Variants in SLC5A3 observed in about 807,000 individuals in gnomAD.
The protein encoded by SLC5A3 is solute carrier family 5 member 3.
Under a neutral mutation model 43.2 loss-of-function variants are expected in SLC5A3, and 10 were observed. That is an observed-to-expected ratio of 0.23 (90% CI 0.14 to 0.39). SLC5A3 has a LOEUF of 0.39. SLC5A3 is among the 10% of genes least tolerant of loss of function. The pLI, the probability that SLC5A3 is intolerant of heterozygous loss-of-function variation, is 1.00. For missense variants in SLC5A3, 608 were observed against 893.4 expected (o/e 0.68, Z 4.07); for synonymous variants, 349 against 322.0 (o/e 1.08, Z -0.90).
At position 34,103,601 on chromosome 21, in the gene SLC5A3, C is replaced by A. The variant is rs1979346231; in HGVS notation, c.*6246C>A. The A allele has an allele frequency of 1.0e-6, 1 of 999,840 alleles. No homozygotes were observed. Among genetic ancestry groups the A allele is most frequent in the Admixed American group, 6.2e-5 (1 of 16,216 alleles). The allele number at this position is 999,840 out of a possible 1,614,324, so 61.9% of individuals were successfully genotyped here. On this transcript the variant is annotated 3_prime_UTR_variant, in exon 2 of 2. Transcript: ENST00000381151. Reference sequence around the variant, plus strand: ...AAATCGTGTTCACACATTAGTGTACCCACACATAGAAAGCACAAGACTAAT... The same window carrying A: ...AAATCGTGTTCACACATTAGTGTACACACACATAGAAAGCACAAGACTAAT...
Position 34,104,438 on chromosome 21 carries a change from G to C in SLC5A3, c.*7083G>C, listed in dbSNP as rs1398399925. 2 of 999,900 alleles carry C rather than the reference G, an allele frequency of 2.0e-6. No homozygotes were observed. The highest frequency in any genetic ancestry group is 2.4e-6 in the Non-Finnish European group (2 of 829,906). The allele number at this position is 999,900 out of a possible 1,614,324, so 61.9% of individuals were successfully genotyped here. A position where few individuals can be genotyped will look rare whatever the true frequency, so the allele number is the denominator to read the frequency against. On this transcript the variant is annotated 3_prime_UTR_variant, in exon 2 of 2. Transcript: ENST00000381151. ...TGTCTTTGTCTTAAATTTTGCCCAT[G>C]TGTTAAAAGATGTAATTCTCAGAAT...
At chr21:34,090,321 A>G (rs1484409690) in intron 1 of SLC5A3, among the ~76,000 whole-genome samples, 1 of 152,228 alleles carries the variant, frequency 6.6e-6, no homozygotes, top group Non-Finnish European at 1.5e-5. Context: ...CTCTGCATCA[A>G]GCGTTAGTAG....
intron 1 of SLC5A3, among the ~76,000 whole-genome samples, chr21:34,085,377 T>A (rs1285903105): frequency 6.6e-6 from 1 of 152,202 alleles, no homozygotes; most frequent in Non-Finnish European, 1.5e-5. Flanking sequence ...GTCATTTGGT[T>A]AGGTGGCATT....
intron 1 of SLC5A3, among the ~76,000 whole-genome samples, chr21:34,074,046 G>C (rs1374828378): frequency 1.4e-5 from 2 of 145,442 alleles, no homozygotes; most frequent in African/African-American, 2.5e-5. Context: ...CCCCGACCCC[G>C]ATCCCGGCGC....
Position 34,101,548 on chromosome 21 carries a change from G to C in SLC5A3, c.*4193G>C. On this transcript the variant is annotated 3_prime_UTR_variant, in exon 2 of 2. Coordinates refer to ENST00000381151, the MANE Select transcript of SLC5A3 (RefSeq NM_006933.7). Reference sequence around the variant, plus strand: ...TGTATATGCCCACTTACCATTCAGAGAGACTGGTCTTTCTCTTTGTCTTCC... The same window carrying C: ...TGTATATGCCCACTTACCATTCAGACAGACTGGTCTTTCTCTTTGTCTTCC... 1 of 999,854 alleles carries C rather than the reference G, an allele frequency of 1.0e-6. No individual in the cohort carries two copies. Among genetic ancestry groups the C allele is most frequent in the South Asian group, 4.7e-5 (1 of 21,282 alleles). 61.9% of individuals were successfully genotyped at this position (999,854 alleles called of 1,614,324 possible).
Position 34,074,673 on chromosome 21 carries a change from G to GT in SLC5A3, c.-337+937dup, listed in dbSNP as rs201796395. Among the ~76,000 whole-genome samples, 1,036 of 151,704 alleles carry GT rather than the reference G, an allele frequency of 6.8e-3. 12 individuals carry two copies. Among genetic ancestry groups the GT allele is most frequent in the Middle Eastern group, 0.027 (8 of 292 alleles). The stretch of plus-strand genomic sequence containing the variant: ...ATTCGGTAACGTAGTTTGGTGTTAT[G>GT]TTTTTTTTTCTCCACCAGGTGTAAT... On this transcript the variant is annotated intron_variant, in intron 1 of 1. Coordinates refer to ENST00000381151, the MANE Select transcript of SLC5A3 (RefSeq NM_006933.7).
chr21:34,095,143 A>G lies in SLC5A3; in HGVS notation c.-56A>G, dbSNP rs1298842766. ...AGACTTGGCTGGGGTTACTAAAAATAAATAAAAAGTTGGACACTTCTGTCA... is the reference window on the plus strand; with the variant it reads ...AGACTTGGCTGGGGTTACTAAAAATGAATAAAAAGTTGGACACTTCTGTCA... On this transcript the variant is annotated 5_prime_UTR_variant, in exon 2 of 2. In the 5' UTR this introduces an upstream ATG that the reference lacks. Coordinates refer to ENST00000381151, the MANE Select transcript of SLC5A3 (RefSeq NM_006933.7). 1.3e-5 allele frequency: 20 copies of G among 1,527,828 alleles called. No homozygotes were observed. Among genetic ancestry groups the G allele is most frequent in the Non-Finnish European group, 1.7e-5 (19 of 1,143,078 alleles). 94.6% of individuals were successfully genotyped at this position (1,527,828 alleles called of 1,614,324 possible).
At chr21:34,076,889 C>G (rs181940339) in intron 1 of SLC5A3, among the ~76,000 whole-genome samples, 3 of 152,200 alleles carry the variant, frequency 2.0e-5, no homozygotes, top group Non-Finnish European at 2.9e-5. Context: ...TTATTCACTT[C>G]TGGAAAACAC....
chr21:34,101,875 G>T lies in SLC5A3; in HGVS notation c.*4520G>T. The T allele has an allele frequency of 1.0e-6, 1 of 1,000,108 alleles. No homozygotes were observed. Among genetic ancestry groups the T allele is most frequent in the Non-Finnish European group, 1.2e-6 (1 of 829,924 alleles). 62.0% of individuals were successfully genotyped at this position (1,000,108 alleles called of 1,614,324 possible). ...CTCAAAACTCCTTTTTCAAAAATTA[G>T]GGAGAGAGCAGTAGTGATCATTTAT... On this transcript the variant is annotated 3_prime_UTR_variant, in exon 2 of 2. Transcript: ENST00000381151.
chr21:34,073,734 G>C lies in SLC5A3; in HGVS notation c.-348G>C. 6.5e-7 allele frequency: 1 copy of C among 1,528,186 alleles called. No individual in the cohort carries two copies. The highest frequency in any genetic ancestry group is 8.8e-7 in the Non-Finnish European group (1 of 1,132,726). 94.7% of individuals were successfully genotyped at this position (1,528,186 alleles called of 1,614,324 possible). On this transcript the variant is annotated 5_prime_UTR_variant, in exon 1 of 2. Coordinates refer to ENST00000381151, the MANE Select transcript of SLC5A3 (RefSeq NM_006933.7). ...CTACGAGCTGGCTTTAATCCTGAAA[G>C]CCATGCAGCGGGTAAGTGACCTTCC... is the stretch of plus-strand genomic sequence containing the variant.
At position 34,102,216 on chromosome 21, in the gene SLC5A3, A is replaced by G. The variant is rs1979270645; in HGVS notation, c.*4861A>G. ...TAGGAGAGAATTTAGTTAAGGTTCA[A>G]AGTAATTAACTGGCTTTGCCAGTGG... On this transcript the variant is annotated 3_prime_UTR_variant, in exon 2 of 2. Transcript: ENST00000381151. 5.0e-6 allele frequency: 5 copies of G among 999,796 alleles called. No homozygotes were observed. The African/African-American group carries it at 8.7e-5, about 17-fold the overall frequency. 61.9% of individuals were successfully genotyped at this position (999,796 alleles called of 1,614,324 possible). A position where few individuals can be genotyped will look rare whatever the true frequency, so the allele number is the denominator to read the frequency against.
intron 1 of SLC5A3, among the ~76,000 whole-genome samples, chr21:34,073,963 C>T (rs1330009965): frequency 6.9e-6 from 1 of 145,756 alleles, no homozygotes; most frequent in Non-Finnish European, 1.5e-5. Flanking sequence ...GGTGTGCCTG[C>T]GCGTGTGCGC....
Position 34,079,337 on chromosome 21 carries a change from C to T in SLC5A3, c.-337+5592C>T, listed in dbSNP as rs563050633. On this transcript the variant is annotated intron_variant, in intron 1 of 1. Coordinates refer to ENST00000381151, the MANE Select transcript of SLC5A3 (RefSeq NM_006933.7). ...CTTTACAGAAGAAATGTGCCAGCCC[C>T]TGATTTAGAGTATATAGACACAATT... Among the ~76,000 whole-genome samples, 3 of 152,268 alleles carry T rather than the reference C, an allele frequency of 2.0e-5. No individual in the cohort carries two copies. In the South Asian group the frequency reaches 6.2e-4, roughly 32 times the overall value.
In SLC5A3 at chr21:34,102,230, C is replaced by G. The variant is rs1428393138; in HGVS notation, c.*4875C>G. On this transcript the variant is annotated 3_prime_UTR_variant, in exon 2 of 2. Coordinates refer to ENST00000381151, the MANE Select transcript of SLC5A3 (RefSeq NM_006933.7). ...GTTAAGGTTCAAAGTAATTAACTGGCTTTGCCAGTGGTGAGTCCCACACCA... is the reference window on the plus strand; with the variant it reads ...GTTAAGGTTCAAAGTAATTAACTGGGTTTGCCAGTGGTGAGTCCCACACCA... The G allele has an allele frequency of 1.0e-6, 1 of 999,770 alleles. No individual in the cohort carries two copies. The highest frequency in any genetic ancestry group is 1.7e-5 in the African/African-American group (1 of 57,212). 61.9% of individuals were successfully genotyped at this position (999,770 alleles called of 1,614,324 possible).
rs1340051923 is a variant in SLC5A3 at position 34,097,384 on chromosome 21, A to C, written c.*29A>C. On this transcript the variant is annotated 3_prime_UTR_variant, in exon 2 of 2. Coordinates refer to ENST00000381151, the MANE Select transcript of SLC5A3 (RefSeq NM_006933.7). ...TAAGGATATGGTGAGACACTAACTT[A>C]AGACAATACTGACTGGTCTTTGGGG... The C allele has an allele frequency of 6.5e-7, 1 of 1,545,340 alleles. No homozygotes were observed. Among genetic ancestry groups the C allele is most frequent in the South Asian group, 1.3e-5 (1 of 78,618 alleles).
chr21:34,100,895 A>G lies in SLC5A3; in HGVS notation c.*3540A>G, dbSNP rs1167559172. On this transcript the variant is annotated 3_prime_UTR_variant, in exon 2 of 2. Transcript: ENST00000381151. The stretch of plus-strand genomic sequence containing the variant: ...TTAGCTACTCAGTTACTTGCTACTC[A>G]AAGGTTAGGTCTTCCCTGTTCCTGC... The G allele has an allele frequency of 1.0e-6, 1 of 1,000,022 alleles. No individual in the cohort carries two copies. The highest frequency in any genetic ancestry group is 1.2e-6 in the Non-Finnish European group (1 of 829,956). 61.9% of individuals were successfully genotyped at this position (1,000,022 alleles called of 1,614,324 possible).
Position 34,098,642 on chromosome 21 carries a change from A to C in SLC5A3, c.*1287A>C. The C allele has an allele frequency of 1.0e-6, 1 of 1,000,280 alleles. No individual in the cohort carries two copies. Among genetic ancestry groups the C allele is most frequent in the Non-Finnish European group, 1.2e-6 (1 of 830,004 alleles). 62.0% of individuals were successfully genotyped at this position (1,000,280 alleles called of 1,614,324 possible). A position where few individuals can be genotyped will look rare whatever the true frequency, so the allele number is the denominator to read the frequency against. ...TTCTGTAGGATGGATAGCATGTTTG[A>C]GAGGTGCCAAACAAGAACTTTTGGG... is the stretch of plus-strand genomic sequence containing the variant. On this transcript the variant is annotated 3_prime_UTR_variant, in exon 2 of 2. Transcript: ENST00000381151.
At chr21:34,089,550 G>A (rs919768074) in intron 1 of SLC5A3, among the ~76,000 whole-genome samples, 2 of 152,102 alleles carry the variant, frequency 1.3e-5, no homozygotes, top group Non-Finnish European at 2.9e-5. Flanking sequence ...TATCTTGGGC[G>A]GAGTGTATAT....
At position 34,089,964 on chromosome 21, in the gene SLC5A3, T is replaced by G. The variant is rs57521852; in HGVS notation, c.-336-4899T>G. Among the ~76,000 whole-genome samples, 413 of 152,318 alleles carry G rather than the reference T, an allele frequency of 2.7e-3. 2 individuals carry two copies. The highest frequency in any genetic ancestry group is 9.3e-3 in the African/African-American group (385 of 41,560). On this transcript the variant is annotated intron_variant, in intron 1 of 1. Coordinates refer to ENST00000381151, the MANE Select transcript of SLC5A3 (RefSeq NM_006933.7). The stretch of plus-strand genomic sequence containing the variant: ...TTAAATGCTTGGGACCAGAAGTGTT[T>G]TGGATTGTGGGATATTGCATATTAC...
Sources: gnomAD v4.1 joint callset for allele counts (sites outside exome capture counted in the v4.1 genomes callset) on GRCh38, gnomAD v4.1.1 for gene constraint, MANE v1.5 for transcripts, NCBI Gene and HGNC (gene_info 2026-07-23, HGNC 2026-07-21) for gene names.